The following TEX9 variants were observed in gnomAD, a reference collection of about 807,000 sequenced individuals.
TEX9 encodes the protein testis expressed 9.
TEX9 carries 74 observed loss-of-function variants against 59.6 expected under a neutral mutation model. The ratio of observed to expected loss-of-function variants is 1.24; its 90% CI spans 1.03 to 1.51. TEX9 has a LOEUF of 1.51. TEX9 is among the 40% of genes most tolerant of loss of function. The probability of loss-of-function intolerance (pLI) is 0.00; values close to 1 mark genes in which losing one functional copy is unlikely to be tolerated. For missense variants in TEX9, 522 were observed against 447.8 expected, an observed-to-expected ratio of 1.17 and a Z score of -1.49; for synonymous variants, 186 against 152.2, an observed-to-expected ratio of 1.22 and a Z score of -1.64.
At chr15:56,402,842 A>G (rs138704212) in intron 9 of TEX9, among the ~76,000 whole-genome samples, 50,055 of 152,160 alleles carry the variant, frequency 0.33, 10,209 homozygotes, top group Non-Finnish European at 0.45. Flanking sequence ...ACACAAATCA[A>G]TAAATGTAAT....
At chr15:56,451,118 T>C in the TEX9 span, among the ~76,000 whole-genome samples, 1 of 152,234 alleles carries the variant, frequency 6.6e-6, no homozygotes, top group African/African-American at 2.4e-5. Flanking sequence ...ATATTTCAGA[T>C]ATTAAATCCT....
At chr15:56,320,805 C>T (rs1401023493) in intron 1 of TEX9, among the ~76,000 whole-genome samples, 2 of 152,130 alleles carry the variant, frequency 1.3e-5, no homozygotes, top group Non-Finnish European at 2.9e-5. Context: ...GCAAACCTGG[C>T]CATATGGTCA....
chr15:56,439,639 G>T (rs2050785176), intron 12 of TEX9, among the ~76,000 whole-genome samples: 1 of 151,946 alleles, frequency 6.6e-6, no homozygotes, highest in Non-Finnish European at 1.5e-5. Context: ...TCAACAAATG[G>T]TGTGGAACAA....
chr15:56,274,231 A>G (rs558035109), intron 1 of TEX9, among the ~76,000 whole-genome samples: 1 of 152,228 alleles, frequency 6.6e-6, no homozygotes, highest in South Asian at 2.1e-4. Context: ...CCTACATTCA[A>G]TTTCACTGAC....
chr15:56,398,000 A>G (rs148231106), intron 9 of TEX9: 1 of 152,228 alleles, frequency 6.6e-6, no homozygotes, highest in Non-Finnish European at 1.5e-5. Context: ...ATTTATCCCT[A>G]TTATAGTCCA....
At chr15:56,391,919 TTTC>T (rs1447959523) in intron 7 of TEX9, among the ~76,000 whole-genome samples, 8 of 152,262 alleles carry the variant, frequency 5.3e-5, no homozygotes, top group African/African-American at 9.6e-5. Flanking sequence ...GAATATAATT[TTTC>T]TTCTTATTAA....
intron 1 of TEX9, among the ~76,000 whole-genome samples, chr15:56,317,790 A>T (rs1293479960): frequency 6.6e-6 from 1 of 152,144 alleles, no homozygotes; most frequent in Non-Finnish European, 1.5e-5. Flanking sequence ...GGATTATGTC[A>T]TTCAATTTCC....
chr15:56,358,553 C>T (rs1397116069), intron 1 of TEX9, among the ~76,000 whole-genome samples: 1 of 152,094 alleles, frequency 6.6e-6, no homozygotes, highest in African/African-American at 2.4e-5. Context: ...TACGATCTTA[C>T]ATTAATATGG....
intron 1 of TEX9, among the ~76,000 whole-genome samples, chr15:56,294,170 G>C (rs531623142): frequency 6.6e-6 from 1 of 152,312 alleles, no homozygotes; most frequent in East Asian, 1.9e-4. Context: ...GGAGCTGGGA[G>C]GGAGGGGAGC....
At chr15:56,377,615 A>T (rs775840218) in intron 3 of TEX9, among the ~76,000 whole-genome samples, 31 of 152,104 alleles carry the variant, frequency 2.0e-4, no homozygotes, top group Non-Finnish European at 3.4e-4. Context: ...TACTGAGTTT[A>T]TCATTTCTAA....
chr15:56,327,411 T>G (rs1318234509), intron 1 of TEX9, among the ~76,000 whole-genome samples: 1 of 152,176 alleles, frequency 6.6e-6, no homozygotes, highest in Non-Finnish European at 1.5e-5. Flanking sequence ...ATATAAACAG[T>G]ATGGGAAAGA....
At chr15:56,409,045 A>C (rs182027989) in intron 9 of TEX9, 1 of 152,222 alleles carries the variant, frequency 6.6e-6, no homozygotes, top group Admixed American at 6.5e-5. Flanking sequence ...AAACTACAAA[A>C]AATTAGCCAG....
intron 10 of TEX9, among the ~76,000 whole-genome samples, chr15:56,412,709 T>C (rs1248490127): frequency 6.6e-6 from 1 of 152,184 alleles, no homozygotes; most frequent in African/African-American, 2.4e-5. Context: ...TCAGACACTT[T>C]TCTAAGCTCT....
At chr15:56,392,328 T>C (rs1450980107) in intron 7 of TEX9, among the ~76,000 whole-genome samples, 3 of 152,124 alleles carry the variant, frequency 2.0e-5, no homozygotes, top group Non-Finnish European at 4.4e-5. Flanking sequence ...CTTCCAATCA[T>C]GGCGGAAGGC....
At chr15:56,299,538 C>G (rs1174471491) in intron 1 of TEX9, among the ~76,000 whole-genome samples, 1 of 152,130 alleles carries the variant, frequency 6.6e-6, no homozygotes, top group African/African-American at 2.4e-5. Context: ...CATGACCTAG[C>G]GATATACCAA....
chr15:56,394,823 T>A, exon 9 of TEX9: 2 of 1,608,488 alleles, frequency 1.2e-6, no homozygotes, highest in Non-Finnish European at 1.7e-6. Flanking sequence ...ACAGTTGTCT[T>A]CAGTAGAAAG....
At chr15:56,373,381 A>G in intron 2 of TEX9, 60 bp from the exon 3 acceptor site, 2 of 1,505,072 alleles carry the variant, frequency 1.3e-6, no homozygotes, top group East Asian at 4.8e-5. Flanking sequence ...GTAATTGCTG[A>G]AGTTTATTTT....
chr15:56,388,523 A>G lies in TEX9; in HGVS notation c.312+3A>G, dbSNP rs185430972. On this transcript the variant is annotated splice_donor_region_variant and intron_variant, in intron 5 of 12. Coordinates refer to ENST00000352903, the Ensembl canonical transcript of TEX9. ...TTCATCTTCATTCAGAAACTAAGGT[A>G]TGAAATCAAACTTTCTGTGAATGCA... 2.2e-3 allele frequency: 3,609 copies of G among 1,610,816 alleles called. 7 individuals are homozygous for G. Among genetic ancestry groups the G allele is most frequent in the Non-Finnish European group, 2.7e-3 (3,212 of 1,177,742 alleles).
At position 56,394,873 on chromosome 15, in the gene TEX9, T is replaced by G. The variant is rs756227946; in HGVS notation, c.828+39T>G. 2.5e-6 allele frequency: 4 copies of G among 1,570,622 alleles called. No individual in the cohort carries two copies. The East Asian group carries it at 9.0e-5, about 35-fold the overall frequency. ...ATTTTTCCTAACTTAATGCCACAGA[T>G]ACAAGAAAATTATTAAGGTTACACA... On this transcript the variant is annotated intron_variant, in intron 9 of 12. Coordinates refer to ENST00000352903, the Ensembl canonical transcript of TEX9.
Sources: allele counts gnomAD v4.1 joint callset (sites outside exome capture counted in the v4.1 genomes callset), GRCh38; gene constraint gnomAD v4.1.1; transcripts MANE v1.5; gene names NCBI Gene and HGNC (gene_info 2026-07-23, HGNC 2026-07-21).